P2RY14: variants seen among roughly 807,000 people sequenced by gnomAD.
P2RY14 encodes P2Y purinoceptor 14.
In P2RY14, 2 loss-of-function variants were observed where a neutral mutation model predicts 0.9. The observed-to-expected ratio is 2.16, with a 90% CI of 0.88 to 6.79. P2RY14 has a LOEUF of 6.79. P2RY14 is among the 30% of genes most tolerant of loss of function. P2RY14 has a pLI of 0.05. For missense variants in P2RY14, 378 were observed against 400.1 expected (o/e 0.94, Z 0.47); for synonymous variants, 158 against 147.2 (o/e 1.07, Z -0.53).
In P2RY14 at chr3:151,230,226, G is replaced by A. The variant is rs771281564; in HGVS notation, c.-132-10584C>T. ...CCTGACCTTGTGATCCGCAAGTCTC[G>A]GCCTCCTAAAGTGCTGGGATTACAG... On this transcript the variant is annotated intron_variant, in intron 1 of 2. Transcript: ENST00000309170. 3.9e-5 allele frequency among the ~76,000 whole-genome samples: 6 copies of A among 152,238 alleles called. No individual in the cohort carries two copies. In the East Asian group the frequency reaches 7.7e-4, roughly 20 times the overall value.
At chr3:151,272,279 T>A (rs75758963) in intron 1 of P2RY14, among the ~76,000 whole-genome samples, 27,984 of 152,150 alleles carry the variant, frequency 0.18, 3,188 homozygotes, top group South Asian at 0.33. Context: ...AGGGTCAAGG[T>A]TTCTCAAGTC....
Position 151,217,833 on chromosome 3 carries a change from G to A in P2RY14, c.-25+1702C>T, listed in dbSNP as rs546931888. 3.1e-4 allele frequency among the ~76,000 whole-genome samples: 47 copies of A among 152,194 alleles called. 1 individual carries two copies. The South Asian group carries it at 9.6e-3, about 31-fold the overall frequency. ...AATGGTGAGAACATACTGTCTTACG[G>A]GTTCAAGTGTCTTAGAGCATGGCAG... is the stretch of plus-strand genomic sequence containing the variant. On this transcript the variant is annotated intron_variant, in intron 2 of 2. Transcript: ENST00000309170.
intron 1 of P2RY14, among the ~76,000 whole-genome samples, chr3:151,235,198 A>G (rs1732483849): frequency 6.6e-6 from 1 of 152,202 alleles, no homozygotes; most frequent in African/African-American, 2.4e-5. Context: ...CTTTTTGGTC[A>G]TCTAATGCCT....
intron 1 of P2RY14, among the ~76,000 whole-genome samples, chr3:151,230,490 A>G (rs1217072013): frequency 6.6e-6 from 1 of 151,926 alleles, no homozygotes; most frequent in Non-Finnish European, 1.5e-5. Context: ...CTTTCTCGTT[A>G]TACTATACAC....
At chr3:151,241,169 C>G (rs1038183569) in intron 1 of P2RY14, among the ~76,000 whole-genome samples, 9 of 152,156 alleles carry the variant, frequency 5.9e-5, no homozygotes, top group African/African-American at 2.2e-4. Flanking sequence ...TTTCTCCTTG[C>G]CCTTTGGCAT....
intron 1 of P2RY14, among the ~76,000 whole-genome samples, chr3:151,246,281 A>G (rs1195218916): frequency 1.3e-5 from 2 of 152,316 alleles, no homozygotes; most frequent in Admixed American, 6.5e-5. Context: ...TTTAAAGTTC[A>G]TATGGAACCA....
chr3:151,246,777 A>C (rs1328700639), intron 1 of P2RY14, among the ~76,000 whole-genome samples: 1 of 152,234 alleles, frequency 6.6e-6, no homozygotes, highest in Non-Finnish European at 1.5e-5. Context: ...AATGGGATCT[A>C]ATTAAACTAA....
intron 1 of P2RY14, among the ~76,000 whole-genome samples, chr3:151,272,449 T>G (rs1015016918): frequency 6.6e-6 from 1 of 152,352 alleles, no homozygotes; most frequent in East Asian, 1.9e-4. Context: ...TAATTCTGCT[T>G]CTTCTGTTCT....
At chr3:151,275,974 G>A (rs138440911) in intron 1 of P2RY14, among the ~76,000 whole-genome samples, 1 of 152,280 alleles carries the variant, frequency 6.6e-6, no homozygotes, top group Admixed American at 6.5e-5. Flanking sequence ...GTAGTAGACA[G>A]CATCTGGCCA....
chr3:151,263,700 A>G (rs1739309352), intron 1 of P2RY14, among the ~76,000 whole-genome samples: 1 of 152,240 alleles, frequency 6.6e-6, no homozygotes, highest in Admixed American at 6.5e-5. Flanking sequence ...TCTCTAAGAG[A>G]TTAATGTAAT....
At chr3:151,245,031 A>C (rs1010772655) in intron 1 of P2RY14, among the ~76,000 whole-genome samples, 19 of 152,284 alleles carry the variant, frequency 1.2e-4, no homozygotes, top group African/African-American at 3.4e-4. Flanking sequence ...GAAATGGATA[A>C]ATTCCTTGAC....
At position 151,214,261 on chromosome 3, in the gene P2RY14, A is replaced by C. The variant is rs751392738; in HGVS notation, c.56T>G (p.Leu19Arg). Reference protein sequence around the residue: ...PPDESCSQNLLITQQIIPVLY... With the variant: ...PPDESCSQNLRITQQIIPVLY... ...CACAGGAATGATCTGCTGAGTGATCAGGAGGTTCTGAGAGCAGGATTCATC... is the reference window on the plus strand; with the variant it reads ...CACAGGAATGATCTGCTGAGTGATCCGGAGGTTCTGAGAGCAGGATTCATC... Residue 19 changes from leucine to arginine, a missense_variant, in exon 3 of 3, where the codon CTG becomes CGG. Transcript: ENST00000309170. The C allele has an allele frequency of 1.9e-6, 3 of 1,614,058 alleles. No individual in the cohort carries two copies. The East Asian group carries it at 6.7e-5, about 36-fold the overall frequency.
intron 1 of P2RY14, among the ~76,000 whole-genome samples, chr3:151,227,510 G>A (rs755084982): frequency 4.6e-5 from 7 of 152,142 alleles, no homozygotes; most frequent in Non-Finnish European, 7.4e-5. Context: ...AACACTTTTG[G>A]CATAGCTTGT....
intron 1 of P2RY14, among the ~76,000 whole-genome samples, chr3:151,254,291 A>G (rs1737403935): frequency 6.6e-6 from 1 of 152,134 alleles, no homozygotes; most frequent in African/African-American, 2.4e-5. Flanking sequence ...TATGTCCACA[A>G]TTTTTGGATA....
At chr3:151,220,117 C>T (rs1487241859) in intron 1 of P2RY14, among the ~76,000 whole-genome samples, 1 of 147,568 alleles carries the variant, frequency 6.8e-6, no homozygotes, top group African/African-American at 2.5e-5. Context: ...CTGACTTCTG[C>T]CTACTAGATG....
At chr3:151,232,533 A>G (rs894466522) in intron 1 of P2RY14, among the ~76,000 whole-genome samples, 1 of 152,228 alleles carries the variant, frequency 6.6e-6, no homozygotes, top group Non-Finnish European at 1.5e-5. Context: ...ACATGGAATC[A>G]ACTTAAATGT....
chr3:151,251,516 C>T (rs1034387480), intron 1 of P2RY14, among the ~76,000 whole-genome samples: 2 of 152,138 alleles, frequency 1.3e-5, no homozygotes, highest in African/African-American at 4.8e-5. Flanking sequence ...TGAGAGGAAT[C>T]CCTCTAAAAT....
At chr3:151,259,138 C>T (rs1335068140) in intron 1 of P2RY14, among the ~76,000 whole-genome samples, 1 of 152,144 alleles carries the variant, frequency 6.6e-6, no homozygotes, top group East Asian at 1.9e-4. Flanking sequence ...AAAGGTTCAC[C>T]TAAGGTGGTG....
intron 1 of P2RY14, among the ~76,000 whole-genome samples, chr3:151,239,596 T>A (rs1733660656): frequency 6.6e-6 from 1 of 152,210 alleles, no homozygotes; most frequent in African/African-American, 2.4e-5. Context: ...ATTTAAAAGT[T>A]TTATAACTGT....
Sources: allele counts gnomAD v4.1 joint callset (sites outside exome capture counted in the v4.1 genomes callset), GRCh38; gene constraint gnomAD v4.1.1; transcripts MANE v1.5; gene names NCBI Gene and HGNC (gene_info 2026-07-23, HGNC 2026-07-21).